PCDH15: variants seen among roughly 807,000 people sequenced by gnomAD.
The protein encoded by PCDH15 is protocadherin-15.
In PCDH15, 129 loss-of-function variants were observed where a neutral mutation model predicts 178.5. The ratio of observed to expected loss-of-function variants is 0.72; its 90% confidence interval spans 0.63 to 0.84. The LOEUF is 0.84. PCDH15 is among the 40% of genes least tolerant of loss of function. The probability of loss-of-function intolerance (pLI) is 0.00; values close to 1 mark genes in which losing one functional copy is unlikely to be tolerated. For synonymous variants in PCDH15, 800 were observed against 732.0 expected, an observed-to-expected ratio of 1.09 and a Z score of -1.50; for missense variants, 2,230 against 2,099.9, an observed-to-expected ratio of 1.06 and a Z score of -1.21.
chr10:54,563,454 A>G (rs966340939), intron 2 of PCDH15, among the ~76,000 whole-genome samples: 4 of 152,140 alleles, frequency 2.6e-5, no homozygotes, highest in African/African-American at 9.7e-5. Context: ...TAATTAACTC[A>G]AAGTACCGTG....
chr10:55,396,103 T>C (rs370849675), intron 2 of PCDH15, among the ~76,000 whole-genome samples: 27 of 152,200 alleles, frequency 1.8e-4, no homozygotes, highest in African/African-American at 6.3e-4. Context: ...TATGTATCAA[T>C]GTCTTTGGTA....
intron 8 of PCDH15, among the ~76,000 whole-genome samples, chr10:54,312,527 T>C (rs2060973573): frequency 6.6e-6 from 1 of 152,068 alleles, no homozygotes; most frequent in African/African-American, 2.4e-5. Context: ...CATAGCTAAT[T>C]TATGAAAATT....
At chr10:55,090,308 A>G (rs1842284430) in intron 2 of PCDH15, among the ~76,000 whole-genome samples, 1 of 152,082 alleles carries the variant, frequency 6.6e-6, no homozygotes, top group South Asian at 2.1e-4. Flanking sequence ...TATTCATTTC[A>G]GCACAGAGTA....
At chr10:54,609,878 C>G (rs2092904996) in intron 2 of PCDH15, among the ~76,000 whole-genome samples, 1 of 151,872 alleles carries the variant, frequency 6.6e-6, no homozygotes, top group African/African-American at 2.4e-5. Flanking sequence ...CATTAGATAG[C>G]TAAATATTGG....
chr10:53,810,690 A>G (rs762923128), intron 36 of PCDH15, 26 bp from the exon 37 acceptor site: 1 of 1,577,854 alleles, frequency 6.3e-7, no homozygotes, highest in Non-Finnish European at 8.7e-7. Context: ...ACATCTTTAA[A>G]CAGTTTGTCA....
chr10:55,296,476 C>T (rs1320009427), intron 1 of PCDH15, among the ~76,000 whole-genome samples: 1 of 152,096 alleles, frequency 6.6e-6, no homozygotes, highest in East Asian at 1.9e-4. Flanking sequence ...TCCTTTCACC[C>T]GTATCACTTA....
intron 1 of PCDH15, among the ~76,000 whole-genome samples, chr10:54,717,615 G>A (rs1339623022): frequency 7.5e-6 from 1 of 133,096 alleles, no homozygotes; most frequent in African/African-American, 2.9e-5. Flanking sequence ...GAAACAACAG[G>A]TGCTGGAGAG....
intron 3 of PCDH15, among the ~76,000 whole-genome samples, chr10:54,384,128 C>T (rs1220727407): frequency 2.6e-5 from 4 of 151,814 alleles, no homozygotes; most frequent in Non-Finnish European, 4.4e-5. Context: ...GCTACTGCAT[C>T]CAGCCAAAAA....
chr10:54,369,212 T>C lies in PCDH15; in HGVS notation c.382A>G (p.Ile128Val), dbSNP rs1947268552. 1.2e-6 allele frequency: 2 copies of C among 1,613,074 alleles called. No homozygotes were observed. The highest frequency in any genetic ancestry group is 1.1e-5 in the South Asian group (1 of 91,054). ...ACTATTCGCACTTCATGGTAGATAATAGTGCCCACTTTTTTGTTGATGCAC... is the reference window on the plus strand; with the variant it reads ...ACTATTCGCACTTCATGGTAGATAACAGTGCCCACTTTTTTGTTGATGCAC... ...VQCINKKVGT[I>V]IYHEVRIVVR... The change falls in exon 5 of 38, where the codon ATT (isoleucine) becomes GTT (valine). Residue 128 changes from isoleucine (I) to valine (V), a missense_variant. Coordinates refer to ENST00000644397, the MANE Select transcript of PCDH15 (RefSeq NM_001384140.1).
chr10:54,568,378 T>TAAA (rs2089332435), intron 2 of PCDH15, among the ~76,000 whole-genome samples: 1 of 152,092 alleles, frequency 6.6e-6, no homozygotes, highest in Non-Finnish European at 1.5e-5. Flanking sequence ...CCTCCCTTTT[T>TAAA]GTACATAATA....
chr10:55,035,169 T>A (rs1840703818), intron 2 of PCDH15, among the ~76,000 whole-genome samples: 1 of 151,238 alleles, frequency 6.6e-6, no homozygotes. Flanking sequence ...AGAACTCTGA[T>A]CTTCATTTAA....
Position 54,140,048 on chromosome 10 carries a change from A to G in PCDH15, c.1785-7041T>C, listed in dbSNP as rs1295435803. 2.6e-5 allele frequency among the ~76,000 whole-genome samples: 4 copies of G among 152,192 alleles called. No homozygotes were observed. In the East Asian group the frequency reaches 5.8e-4, roughly 22 times the overall value. ...ATCTTCATGCCTGTACAAAGAAAAT[A>G]CAAAGTTGAAAAAGCTTAGATAATA... On this transcript the variant is annotated intron_variant, in intron 14 of 37. Coordinates refer to ENST00000644397, the MANE Select transcript of PCDH15 (RefSeq NM_001384140.1).
Position 55,280,848 on chromosome 10 carries a change from T to C in PCDH15, c.-156+38751A>G, listed in dbSNP as rs140252039. On this transcript the variant is annotated intron_variant, in intron 1 of 5. Coordinates refer to the PCDH15 transcript ENST00000458638. Reference sequence around the variant, plus strand: ...CAACTCAATATTAAACCATGTGCTATGAAATATTAATGAGAAAAGTCAGAT... The same window carrying C: ...CAACTCAATATTAAACCATGTGCTACGAAATATTAATGAGAAAAGTCAGAT... 1.6e-3 allele frequency among the ~76,000 whole-genome samples: 247 copies of C among 152,302 alleles called. 2 individuals carry two copies. Among genetic ancestry groups the C allele is most frequent in the African/African-American group, 5.6e-3 (232 of 41,568 alleles).
intron 2 of PCDH15, among the ~76,000 whole-genome samples, chr10:55,479,745 A>G (rs991112170): frequency 8.6e-5 from 13 of 151,632 alleles, no homozygotes; most frequent in African/African-American, 3.1e-4. Context: ...TGATCTTTAT[A>G]TGTATAGAAT....
At chr10:53,941,096 T>C in intron 23 of PCDH15, 121 bp from the exon 24 acceptor site, 1 of 689,944 alleles carries the variant, frequency 1.4e-6, no homozygotes. Context: ...CCCTCACACA[T>C]TCATGGCCTC....
chr10:55,125,690 C>A (rs1837881481), intron 2 of PCDH15, among the ~76,000 whole-genome samples: 1 of 152,080 alleles, frequency 6.6e-6, no homozygotes, highest in African/African-American at 2.4e-5. Flanking sequence ...CCAATGTCAC[C>A]ATATCCTAGT....
At chr10:54,759,959 T>C (rs778540440) in intron 1 of PCDH15, among the ~76,000 whole-genome samples, 1 of 152,200 alleles carries the variant, frequency 6.6e-6, no homozygotes, top group Non-Finnish European at 1.5e-5. Context: ...CTTTATTTCA[T>C]GACCTTATCC....
chr10:55,172,397 A>T (rs540341975), intron 1 of PCDH15, among the ~76,000 whole-genome samples: 1 of 152,092 alleles, frequency 6.6e-6, no homozygotes, highest in African/African-American at 2.4e-5. Context: ...TCTGAGTAAA[A>T]GATAGGGCAT....
intron 1 of PCDH15, among the ~76,000 whole-genome samples, chr10:54,774,205 T>C (rs1949446909): frequency 6.6e-6 from 1 of 151,856 alleles, no homozygotes; most frequent in East Asian, 1.9e-4. Flanking sequence ...ATTTTTTGTA[T>C]TTTTAGTAGA....
Sources: allele counts gnomAD v4.1 joint callset (sites outside exome capture counted in the v4.1 genomes callset), GRCh38; gene constraint gnomAD v4.1.1; transcripts MANE v1.5; gene names NCBI Gene and HGNC (gene_info 2026-07-23, HGNC 2026-07-21).